Variants in AHRR observed in about 807,000 individuals in gnomAD.
AHRR encodes the protein aryl hydrocarbon receptor repressor.
AHRR carries 28 observed loss-of-function variants against 44.0 expected under a neutral mutation model. The ratio of observed to expected loss-of-function variants is 0.64; its 90% confidence interval spans 0.47 to 0.87. The LOEUF (loss-of-function observed/expected upper bound fraction) is 0.87. Ranked by LOEUF, AHRR falls within the 40% of genes least tolerant of loss-of-function variation. AHRR has a pLI of 0.00. For synonymous variants in AHRR, 434 were observed against 407.0 expected (o/e 1.07, Z -0.80); for missense variants, 990 against 953.9 (o/e 1.04, Z -0.50).
At chr5:345,561 G>A (rs550582046) in intron 2 of AHRR, among the ~76,000 whole-genome samples, 1 of 142,934 alleles carries the variant, frequency 7.0e-6, no homozygotes, top group African/African-American at 2.6e-5. Context: ...TGTGTGTGTG[G>A]GGATGTGTGG....
chr5:413,368 G>T lies in AHRR; in HGVS notation c.376G>T (p.Val126Leu), dbSNP rs768963373. ...GTCTCTTAATGGCTTTGCTCTGGTC[G>T]TGAGTGCAGAAGGGACGATATTTTA... ...LESLNGFALVVSAEGTIFYAS... is the reference protein window; with the variant it reads ...LESLNGFALVLSAEGTIFYAS... The change falls in exon 5 of 11, where the codon GTG (valine) becomes TTG (leucine). Residue 126 changes from valine to leucine, a missense_variant. Transcript: ENST00000684583. The T allele has an allele frequency of 3.1e-6, 5 of 1,612,472 alleles. No individual in the cohort carries two copies. The highest frequency in any genetic ancestry group is 4.5e-5 in the East Asian group (2 of 44,842).
chr5:330,635 AAG>A (rs1195872908), intron 1 of AHRR, among the ~76,000 whole-genome samples: 1 of 152,118 alleles, frequency 6.6e-6, no homozygotes, highest in Non-Finnish European at 1.5e-5. Flanking sequence ...TGGCCTCCCA[AAG>A]TGGGATTACA....
intron 1 of AHRR, among the ~76,000 whole-genome samples, chr5:328,733 G>GT (rs770891024): frequency 2.6e-5 from 4 of 152,028 alleles, no homozygotes; most frequent in Admixed American, 2.0e-4. Context: ...GATCACTTGG[G>GT]TTTTTTTGTT....
intron 1 of AHRR, among the ~76,000 whole-genome samples, chr5:343,320 CA>C (rs1205055687): frequency 2.8e-5 from 4 of 141,312 alleles, no homozygotes; most frequent in Admixed American, 7.1e-5. Flanking sequence ...CATACCCTCT[CA>C]GGGGTGACAG....
chr5:420,383 G>GGGAGGAGTGCGGACTCCCCGAGCAAA (rs1215964497), intron 5 of AHRR, among the ~76,000 whole-genome samples: 3 of 151,370 alleles, frequency 2.0e-5, no homozygotes, highest in African/African-American at 7.2e-5. Context: ...GCCCCAGGCT[G>GGGAGGAGTGCGGACTCCCCGAGCAAA]GGAGGAGTGC....
At chr5:386,039 T>C (rs79805493) in intron 4 of AHRR, among the ~76,000 whole-genome samples, 14,928 of 152,280 alleles carry the variant, frequency 0.098, 1,007 homozygotes, top group Admixed American at 0.13. Context: ...TATTTCTCAG[T>C]TCTAAAATTT....
Position 366,962 on chromosome 5 carries a change from G to A in AHRR, c.245-9648G>A, listed in dbSNP as rs1340861426. Reference sequence around the variant, plus strand: ...AGGCAGTGTGGCGATGGCTGCTGCCGCAGTCCAGCACCACCTTGGCTGAAA... The same window carrying A: ...AGGCAGTGTGGCGATGGCTGCTGCCACAGTCCAGCACCACCTTGGCTGAAA... On this transcript the variant is annotated intron_variant, in intron 3 of 10. Coordinates refer to ENST00000684583, the MANE Select transcript of AHRR (RefSeq NM_001377236.1). Among the ~76,000 whole-genome samples, 10 of 152,258 alleles carry A rather than the reference G, an allele frequency of 6.6e-5. No homozygotes were observed. The East Asian group carries it at 9.6e-4, about 15-fold the overall frequency.
rs1282430841 is a variant in AHRR, at chr5:419,110, G to T, written c.442-3619G>T. 1 of 151,918 alleles carries T rather than the reference G, an allele frequency of 6.6e-6. No individual in the cohort carries two copies. The highest frequency in any genetic ancestry group is 6.6e-5 in the Admixed American group (1 of 15,262). The allele number at this position is 151,918 out of a possible 1,614,324, so 9.4% of individuals were successfully genotyped here. ...GTCTCTCTCTTCTATTGGGAAATAA[G>T]TCTTTGCCTGTGGTCGTTGGGGCTG... is the stretch of plus-strand genomic sequence containing the variant. On this transcript the variant is annotated intron_variant, in intron 5 of 10. Coordinates refer to ENST00000684583, the MANE Select transcript of AHRR (RefSeq NM_001377236.1). The surrounding 1 kb of genome is among the most constrained non-coding windows in gnomAD (Gnocchi z 4.4).
chr5:420,421 C>T (rs1206230873), intron 5 of AHRR, among the ~76,000 whole-genome samples: 1 of 152,168 alleles, frequency 6.6e-6, no homozygotes, highest in African/African-American at 2.4e-5. Context: ...GAGGAGTGAC[C>T]CCCCACTGCT....
At chr5:432,180 A>C in intron 8 of AHRR, 1 of 397,860 alleles carries the variant, frequency 2.5e-6, no homozygotes, top group South Asian at 2.7e-5. Flanking sequence ...ATAAGCTCTA[A>C]AAATCATCCT....
In AHRR at chr5:423,860, G is replaced by A. The variant is rs781759500; in HGVS notation, c.591G>A (p.Gly197=). The change falls in exon 7 of 11, where the codon GGG becomes GGA. Residue 197 remains glycine (G), a synonymous_variant. Transcript: ENST00000684583. ...PLETGDDAIL[G]RLLRAQEWGT... ...CTGCAGGAGATGATGCTATCCTGGG[G>A]AGGCTGCTCAGGGCCCAGGAGTGGG... is the stretch of plus-strand genomic sequence containing the variant. 6 of 1,605,420 alleles carry A rather than the reference G, an allele frequency of 3.7e-6. No homozygotes were observed. The African/African-American group carries it at 6.7e-5, about 18-fold the overall frequency.
intron 4 of AHRR, among the ~76,000 whole-genome samples, chr5:393,350 G>A (rs146485981): frequency 1.8e-4 from 28 of 152,348 alleles, no homozygotes; most frequent in African/African-American, 6.5e-4. Flanking sequence ...CAGGGCACCC[G>A]ATCACGTCGC....
chr5:367,231 G>A (rs1373510569), intron 3 of AHRR, among the ~76,000 whole-genome samples: 5 of 152,240 alleles, frequency 3.3e-5, no homozygotes, highest in Non-Finnish European at 7.3e-5. Context: ...GGAAGAGCAA[G>A]TGCCCAGGGA....
intron 1 of AHRR, among the ~76,000 whole-genome samples, chr5:331,322 T>C (rs2126328721): frequency 6.6e-6 from 1 of 152,366 alleles, no homozygotes; most frequent in East Asian, 1.9e-4. Context: ...CTCTAGGTTT[T>C]CTAATCTGTG....
Position 432,490 on chromosome 5 carries a change from A to G in AHRR, c.936A>G (p.Glu312=). 3 of 1,614,228 alleles carry G rather than the reference A, an allele frequency of 1.9e-6. No individual in the cohort carries two copies. The highest frequency in any genetic ancestry group is 2.5e-6 in the Non-Finnish European group (3 of 1,180,030). The change falls in exon 9 of 11, where the codon GAA becomes GAG. Residue 312 remains glutamate (E), a synonymous_variant. Coordinates refer to ENST00000684583, the MANE Select transcript of AHRR (RefSeq NM_001377236.1). ...AKVKATTSLC[E]SELHGKPNYS... is the part of the protein sequence containing the mutation. ...TAAAAGCCACCACCAGTCTGTGCGA[A>G]TCGGAACTGCATGGAAAACCCAATT...
At chr5:427,671 G>A (rs1446766609) in intron 7 of AHRR, 136 bp from the exon 8 acceptor site, 2 of 1,613,284 alleles carry the variant, frequency 1.2e-6, no homozygotes, top group African/African-American at 2.7e-5. Flanking sequence ...CTGCGGCTCT[G>A]CTGTCCCGAG....
chr5:322,249 A>G (rs111732635), intron 1 of AHRR, among the ~76,000 whole-genome samples: 1 of 152,084 alleles, frequency 6.6e-6, no homozygotes, highest in Non-Finnish European at 1.5e-5. Flanking sequence ...AGCACCCAGT[A>G]GCGCTGAAGT....
At chr5:361,881 A>G (rs1177171146) in intron 3 of AHRR, among the ~76,000 whole-genome samples, 2 of 152,214 alleles carry the variant, frequency 1.3e-5, no homozygotes. Context: ...ACTTTGGCTT[A>G]GACTTTAGAG....
chr5:423,769 C>T (rs1039539995), intron 6 of AHRR, 72 bp from the exon 7 acceptor site: 29 of 1,520,006 alleles, frequency 1.9e-5, no homozygotes, highest in East Asian at 9.1e-5. Flanking sequence ...GAGCCGTGGG[C>T]GTGGTTGTGC....
Sources: gnomAD v4.1 joint callset for allele counts (sites outside exome capture counted in the v4.1 genomes callset) on GRCh38, gnomAD v4.1.1 for gene constraint, Gnocchi (gnomAD v3.1) non-coding constraint, MANE v1.5 for transcripts, NCBI Gene and HGNC (gene_info 2026-07-23, HGNC 2026-07-21) for gene names.